The following SCAPER variants were observed in gnomAD, a reference collection of about 807,000 sequenced individuals.
SCAPER encodes S phase cyclin A-associated protein in the endoplasmic reticulum.
A neutral mutation model predicts 182.2 loss-of-function variants in SCAPER; 98 were observed. The observed-to-expected ratio is 0.54, with a 90% CI of 0.46 to 0.64. SCAPER has a LOEUF of 0.64. Among genes scored for constraint, SCAPER ranks in the 30% least tolerant of loss-of-function variants. The pLI is 0.00. For synonymous variants in SCAPER, 605 were observed against 564.6 expected (o/e 1.07, Z -1.01); for missense variants, 1,432 against 1,690.0 (o/e 0.85, Z 2.68).
At position 76,679,164 on chromosome 15, in the gene SCAPER, T is replaced by C. The variant is rs182703547; in HGVS notation, c.2509-13375A>G. The stretch of plus-strand genomic sequence containing the variant: ...AAATGAAGACAACAATATAGAAAAA[T>C]TACTTAATTCATATAAAAATGAGTG... On this transcript the variant is annotated intron_variant, in intron 20 of 31. Transcript: ENST00000563290. 3.9e-5 allele frequency among the ~76,000 whole-genome samples: 6 copies of C among 152,170 alleles called. No individual in the cohort carries two copies. In the East Asian group the frequency reaches 9.6e-4, roughly 24 times the overall value.
intron 23 of SCAPER, among the ~76,000 whole-genome samples, chr15:76,520,230 T>G (rs2042738567): frequency 6.6e-6 from 1 of 152,172 alleles, no homozygotes. Context: ...GTTTTTGTTT[T>G]TGTTTTGAGA....
At chr15:76,534,628 A>G (rs1162787448) in intron 23 of SCAPER, among the ~76,000 whole-genome samples, 3 of 152,188 alleles carry the variant, frequency 2.0e-5, no homozygotes, top group African/African-American at 7.2e-5. Flanking sequence ...AATGTAATGA[A>G]TCCCATTCTT....
intron 4 of SCAPER, among the ~76,000 whole-genome samples, chr15:76,852,000 C>G (rs1409062863): frequency 6.6e-6 from 1 of 151,826 alleles, no homozygotes; most frequent in Admixed American, 6.6e-5. Flanking sequence ...GGAAATCTAC[C>G]AAGCAAATGG....
At chr15:76,531,038 TAAAA>T (rs889102001) in intron 23 of SCAPER, among the ~76,000 whole-genome samples, 4 of 151,782 alleles carry the variant, frequency 2.6e-5, no homozygotes, top group African/African-American at 4.8e-5. Flanking sequence ...AAAAATAAGT[TAAAA>T]AACAGTTCTT....
chr15:76,501,348 A>T (rs2041102498), intron 24 of SCAPER, among the ~76,000 whole-genome samples: 1 of 137,940 alleles, frequency 7.2e-6, no homozygotes, highest in African/African-American at 3.0e-5. Flanking sequence ...TTTCATGTAA[A>T]AAAAAAAAAA....
At chr15:76,674,508 T>G (rs1017176784) in intron 20 of SCAPER, among the ~76,000 whole-genome samples, 1 of 152,208 alleles carries the variant, frequency 6.6e-6, no homozygotes, top group Non-Finnish European at 1.5e-5. Context: ...GACTGAGTAC[T>G]CATCAATGGA....
At chr15:76,403,653 A>G (rs1467412836) in intron 27 of SCAPER, among the ~76,000 whole-genome samples, 3 of 152,238 alleles carry the variant, frequency 2.0e-5, no homozygotes, top group Admixed American at 2.0e-4. Flanking sequence ...GACTGGACAA[A>G]TTCCTAAAAA....
intron 2 of SCAPER, among the ~76,000 whole-genome samples, chr15:76,864,001 T>G (rs1051065071): frequency 6.6e-6 from 1 of 152,156 alleles, no homozygotes; most frequent in Non-Finnish European, 1.5e-5. Flanking sequence ...GTGAGCCATT[T>G]TGGACATTCC....
chr15:76,747,504 A>AAT (rs145994360), intron 15 of SCAPER, among the ~76,000 whole-genome samples: 39 of 151,388 alleles, frequency 2.6e-4, no homozygotes, highest in East Asian at 1.4e-3. Context: ...CTGTCTCAAA[A>AAT]ATATATATAT....
chr15:76,721,166 C>T (rs1056547429), intron 17 of SCAPER, among the ~76,000 whole-genome samples: 1 of 152,164 alleles, frequency 6.6e-6, no homozygotes, highest in African/African-American at 2.4e-5. Context: ...TGCCCAGCAC[C>T]TTTTATTAAA....
intron 23 of SCAPER, among the ~76,000 whole-genome samples, chr15:76,538,627 A>G (rs1418384804): frequency 6.6e-6 from 1 of 152,124 alleles, no homozygotes; most frequent in Non-Finnish European, 1.5e-5. Flanking sequence ...ATGACGAGTT[A>G]ATGGGTGCAG....
At chr15:76,788,316 T>C (rs2064765482) in intron 8 of SCAPER, among the ~76,000 whole-genome samples, 1 of 152,242 alleles carries the variant, frequency 6.6e-6, no homozygotes, top group South Asian at 2.1e-4. Context: ...ATGAACTATA[T>C]ACTTTAAACA....
At chr15:76,660,273 C>G (rs1209259140) in intron 21 of SCAPER, among the ~76,000 whole-genome samples, 1 of 152,158 alleles carries the variant, frequency 6.6e-6, no homozygotes, top group Non-Finnish European at 1.5e-5. Context: ...GATAAAAAAA[C>G]AACCTATTGG....
At chr15:76,448,965 C>T (rs1020236427) in intron 25 of SCAPER, among the ~76,000 whole-genome samples, 1 of 152,124 alleles carries the variant, frequency 6.6e-6, no homozygotes, top group Non-Finnish European at 1.5e-5. Context: ...TGATGTAACA[C>T]AACAAAGCTT....
At chr15:76,741,671 T>C (rs573397214) in intron 15 of SCAPER, among the ~76,000 whole-genome samples, 11 of 152,238 alleles carry the variant, frequency 7.2e-5, no homozygotes, top group African/African-American at 2.6e-4. Context: ...TTCTGGCTGA[T>C]ACACAAAAAG....
intron 5 of SCAPER, among the ~76,000 whole-genome samples, chr15:76,839,385 A>G (rs1478461977): frequency 6.6e-6 from 1 of 152,210 alleles, no homozygotes; most frequent in Non-Finnish European, 1.5e-5. Context: ...CATGTATCTC[A>G]TAAAGATACT....
Position 76,348,710 on chromosome 15 carries a change from G to A in SCAPER, c.4126C>T (p.Leu1376Phe). The change falls in exon 32 of 32, where the codon CTT (leucine) becomes TTT (phenylalanine). Residue 1376 changes from leucine (L) to phenylalanine (F), a missense_variant. Around this residue, in one of 5 missense-constraint regions of SCAPER, gnomAD observed 718 missense variants for 799.7 expected, o/e 0.90. Transcript: ENST00000563290. Reference protein sequence around the residue: ...KGKCLGSQDYLELANRFPQQA... With the variant: ...KGKCLGSQDYFELANRFPQQA... ...TGAGGAAATCTGTTAGCCAGCTCAAGATAGTCTTGGGAACCAAGGCATTTC... is the reference window on the plus strand; with the variant it reads ...TGAGGAAATCTGTTAGCCAGCTCAAAATAGTCTTGGGAACCAAGGCATTTC... 6.4e-7 allele frequency: 1 copy of A among 1,551,452 alleles called. No individual in the cohort carries two copies. The highest frequency in any genetic ancestry group is 8.7e-7 in the Non-Finnish European group (1 of 1,145,874).
At chr15:76,642,262 C>T (rs1196105622) in intron 21 of SCAPER, among the ~76,000 whole-genome samples, 1 of 152,016 alleles carries the variant, frequency 6.6e-6, no homozygotes, top group Non-Finnish European at 1.5e-5. Flanking sequence ...CTAAATTTTC[C>T]TACACTTTAT....
At chr15:76,533,407 T>C (rs2043846346) in intron 23 of SCAPER, among the ~76,000 whole-genome samples, 1 of 152,184 alleles carries the variant, frequency 6.6e-6, no homozygotes, top group Admixed American at 6.5e-5. Context: ...TACCATTGTG[T>C]TACAAATGCC....
Sources: gnomAD v4.1 joint callset for allele counts (sites outside exome capture counted in the v4.1 genomes callset) on GRCh38, gnomAD v4.1.1 for gene constraint, gnomAD v4.1.1 regional missense constraint, MANE v1.5 for transcripts, NCBI Gene and HGNC (gene_info 2026-07-23, HGNC 2026-07-21) for gene names.